Variants in SERPINB11 observed in about 807,000 individuals in gnomAD.
The protein encoded by SERPINB11 is serpin family B member 11, also known as serpin B11.
Under a neutral mutation model 36.7 loss-of-function variants are expected in SERPINB11, and 32 were observed. The ratio of observed to expected loss-of-function variants is 0.87; its 90% CI spans 0.66 to 1.17. The LOEUF (loss-of-function observed/expected upper bound fraction) is 1.17, where lower values mean the gene tolerates loss of function less well. Ranked by LOEUF, SERPINB11 falls within the 50% of genes most tolerant of loss-of-function variation. The probability of loss-of-function intolerance (pLI) is 0.00; values close to 1 mark genes in which losing one functional copy is unlikely to be tolerated. For missense variants in SERPINB11, 528 were observed against 458.4 expected, an observed-to-expected ratio of 1.15 and a Z score of -1.39; for synonymous variants, 174 against 168.1, an observed-to-expected ratio of 1.04 and a Z score of -0.27.
intron 1 of SERPINB11, among the ~76,000 whole-genome samples, chr18:63,709,463 T>C (rs1914457588): frequency 6.6e-6 from 1 of 151,718 alleles, no homozygotes; most frequent in Non-Finnish European, 1.5e-5. Context: ...ATACAAAAGT[T>C]AGCCGGGCGT....
At position 63,723,099 on chromosome 18, in the gene SERPINB11, T is replaced by G; in HGVS notation, c.879T>G (p.Thr293=). 1.2e-6 allele frequency: 2 copies of G among 1,605,126 alleles called. No individual in the cohort carries two copies. Among genetic ancestry groups the G allele is most frequent in the South Asian group, 2.2e-5 (2 of 89,766 alleles). Residue 293 remains threonine, a synonymous_variant, in exon 8 of 8, where the codon ACT becomes ACG. Coordinates refer to ENST00000544088, the MANE Select transcript of SERPINB11 (RefSeq NM_001370475.1). The stretch of plus-strand genomic sequence containing the variant: ...ACCTCCCCCGATTCAAACTTGAAAC[T>G]AAGTATGAGCTAAATTCCCTGTTAA... ...EVHLPRFKLE[T]KYELNSLLKS... is the part of the protein sequence containing the mutation.
chr18:63,716,220 TAA>T (rs760356323), intron 5 of SERPINB11, 68 bp downstream of exon 5: 1 of 994,454 alleles, frequency 1.0e-6, no homozygotes. Flanking sequence ...GTCCACTTGC[TAA>T]AGAGGAAGCT....
chr18:63,715,731 T>A (rs1038396101), intron 4 of SERPINB11, among the ~76,000 whole-genome samples: 3 of 152,190 alleles, frequency 2.0e-5, no homozygotes, highest in Non-Finnish European at 2.9e-5. Flanking sequence ...AGGAATAGAG[T>A]CAGAAGGTGC....
chr18:63,711,069 A>G (rs1220864344), intron 2 of SERPINB11, among the ~76,000 whole-genome samples: 1 of 152,174 alleles, frequency 6.6e-6, no homozygotes, highest in Non-Finnish European at 1.5e-5. Context: ...GGAACCTGAC[A>G]ATGGTCTGAG....
chr18:63,702,656 A>G (rs1432208414), upstream of SERPINB11, among the ~76,000 whole-genome samples: 3 of 152,148 alleles, frequency 2.0e-5, no homozygotes, highest in African/African-American at 2.4e-5. Flanking sequence ...TGGGGATCTC[A>G]TTACAAATTT....
At chr18:63,704,998 T>C (rs527502873) in intron 1 of SERPINB11, among the ~76,000 whole-genome samples, 3 of 152,352 alleles carry the variant, frequency 2.0e-5, no homozygotes, top group Admixed American at 6.5e-5. Flanking sequence ...GTACGGACTA[T>C]ATTCCCAGAA....
At chr18:63,719,477 T>C (rs1350027933) in intron 5 of SERPINB11, among the ~76,000 whole-genome samples, 1 of 152,148 alleles carries the variant, frequency 6.6e-6, no homozygotes, top group Admixed American at 6.5e-5. Context: ...ATGTTTAATT[T>C]TGATCAGTTT....
intron 1 of SERPINB11, among the ~76,000 whole-genome samples, chr18:63,708,518 A>T (rs1608203): frequency 6.6e-5 from 10 of 152,100 alleles, no homozygotes; most frequent in African/African-American, 2.4e-4. Flanking sequence ...AAAGTACTTA[A>T]GGATGATCAC....
intron 1 of SERPINB11, among the ~76,000 whole-genome samples, chr18:63,707,961 G>T (rs1247943889): frequency 2.6e-5 from 4 of 152,218 alleles, no homozygotes; most frequent in Non-Finnish European, 5.9e-5. Context: ...AATGGTCAGG[G>T]AGAGCCTTAG....
At chr18:63,715,378 G>A (rs183930007) in intron 4 of SERPINB11, among the ~76,000 whole-genome samples, 19 of 152,186 alleles carry the variant, frequency 1.2e-4, no homozygotes, top group East Asian at 3.9e-4. Context: ...GAGGGCCTCC[G>A]GAGTAAAAAT....
At chr18:63,720,683 G>A in intron 6 of SERPINB11, 148 bp from the exon 7 acceptor site, 1 of 579,566 alleles carries the variant, frequency 1.7e-6, no homozygotes, top group Non-Finnish European at 3.0e-6. Context: ...CTTTGCAAAG[G>A]GAAGTAATAA....
rs569334725 is a variant in SERPINB11, at chr18:63,706,846, T to C, written c.-15-3333T>C. 3.9e-5 allele frequency among the ~76,000 whole-genome samples: 6 copies of C among 152,332 alleles called. No individual in the cohort carries two copies. The South Asian group carries it at 1.2e-3, about 32-fold the overall frequency. On this transcript the variant is annotated intron_variant, in intron 1 of 7. Coordinates refer to ENST00000544088, the MANE Select transcript of SERPINB11 (RefSeq NM_001370475.1). ...TTATCGAGGACGCAAGTTCTGCCTGTCCTTCTTCTCTGAAATCCTGGGTTA... is the reference window on the plus strand; with the variant it reads ...TTATCGAGGACGCAAGTTCTGCCTGCCCTTCTTCTCTGAAATCCTGGGTTA...
At position 63,712,646 on chromosome 18, in the gene SERPINB11, A is replaced by G; in HGVS notation, c.310A>G (p.Ser104Gly). ...INQPDSNCTL[S>G]IANRLYGTKT... ...CCAGCCAGACTCTAACTGTACCCTCAGCATTGCCAACAGGCTCTACGGGAC... is the reference window on the plus strand; with the variant it reads ...CCAGCCAGACTCTAACTGTACCCTCGGCATTGCCAACAGGCTCTACGGGAC... The change falls in exon 4 of 8, where the codon AGC becomes GGC. Residue 104 changes from serine to glycine, a missense_variant. By Grantham distance (56) the Ser-to-Gly change is moderately conservative. Coordinates refer to ENST00000544088, the MANE Select transcript of SERPINB11 (RefSeq NM_001370475.1). The G allele has an allele frequency of 6.2e-7, 1 of 1,613,826 alleles. No individual in the cohort carries two copies. Among genetic ancestry groups the G allele is most frequent in the South Asian group, 1.1e-5 (1 of 91,074 alleles).
intron 1 of SERPINB11, among the ~76,000 whole-genome samples, chr18:63,708,072 G>A (rs184072548): frequency 2.0e-5 from 3 of 152,330 alleles, no homozygotes; most frequent in Non-Finnish European, 2.9e-5. Context: ...AAGTGCAAAT[G>A]CCCTGAGGTT....
At chr18:63,718,335 T>G (rs1914720934) in intron 5 of SERPINB11, among the ~76,000 whole-genome samples, 1 of 152,028 alleles carries the variant, frequency 6.6e-6, no homozygotes, top group Non-Finnish European at 1.5e-5. Context: ...ATATATCAGT[T>G]GAAATGTTAA....
chr18:63,717,917 GTATTT>G (rs1914710271), intron 5 of SERPINB11, among the ~76,000 whole-genome samples: 1 of 151,910 alleles, frequency 6.6e-6, no homozygotes, highest in Non-Finnish European at 1.5e-5. Flanking sequence ...TGTCGTGAAA[GTATTT>G]TCTAGTTTGT....
Position 63,710,231 on chromosome 18 carries a change from T to C in SERPINB11, c.38T>C (p.Leu13Pro). ...SLSTANVEFC[L>P]DVFKELNSNN... is the part of the protein sequence containing the mutation. ...AGCACAGCTAACGTTGAATTTTGCC[T>C]TGATGTGTTCAAAGAGCTGAACAGT... The change falls in exon 2 of 8, where the codon CTT becomes CCT. Residue 13 changes from leucine (L) to proline (P), a missense_variant. Transcript: ENST00000544088. 6.2e-7 allele frequency: 1 copy of C among 1,613,020 alleles called. No homozygotes were observed. Among genetic ancestry groups the C allele is most frequent in the South Asian group, 1.1e-5 (1 of 90,852 alleles).
intron 5 of SERPINB11, among the ~76,000 whole-genome samples, chr18:63,716,495 G>A (rs1352706491): frequency 6.6e-6 from 1 of 151,982 alleles, no homozygotes; most frequent in Non-Finnish European, 1.5e-5. Context: ...AAAAATTTAA[G>A]GATATACAAA....
intron 4 of SERPINB11, among the ~76,000 whole-genome samples, chr18:63,714,349 A>T (rs1306337035): frequency 3.9e-5 from 6 of 152,148 alleles, no homozygotes; most frequent in African/African-American, 1.4e-4. Context: ...AAAATTGCTA[A>T]TGAAGTTTCG....
Sources: gnomAD v4.1 joint callset for allele counts (sites outside exome capture counted in the v4.1 genomes callset) on GRCh38, gnomAD v4.1.1 for gene constraint, MANE v1.5 for transcripts, NCBI Gene and HGNC (gene_info 2026-07-23, HGNC 2026-07-21) for gene names.